Variants in DNAJC17 observed in about 807,000 individuals in gnomAD.
DNAJC17 encodes DnaJ heat shock protein family (Hsp40) member C17.
A neutral mutation model predicts 48.1 loss-of-function variants in DNAJC17; 35 were observed. That is an observed-to-expected ratio of 0.73 (90% CI 0.56 to 0.96). The LOEUF is 0.96. Ranked by LOEUF, DNAJC17 falls within the 50% of genes least tolerant of loss-of-function variation. The pLI, the probability that DNAJC17 is intolerant of heterozygous loss-of-function variation, is 0.00. For missense variants in DNAJC17, 355 were observed against 377.1 expected (o/e 0.94, Z 0.48); for synonymous variants, 117 against 142.7 (o/e 0.82, Z 1.28).
At chr15:40,782,069 T>G (rs1889512258) in intron 1 of DNAJC17, among the ~76,000 whole-genome samples, 1 of 151,958 alleles carries the variant, frequency 6.6e-6, no homozygotes, top group Non-Finnish European at 1.5e-5. Flanking sequence ...ACAAAAATTT[T>G]TTAAACATGA....
chr15:40,767,786 TC>T lies in DNAJC17; in HGVS notation c.*153del. ...GCGTTTCCCTGGGGGTCTGCCCACT[TC>T]CTGGGAGGGGCGCCAGGCCTGGGTG... On this transcript the variant is annotated 3_prime_UTR_variant, in exon 11 of 11. Transcript: ENST00000220496. 8.6e-7 allele frequency: 1 copy of T among 1,162,884 alleles called. No individual in the cohort carries two copies. Among genetic ancestry groups the T allele is most frequent in the Non-Finnish European group, 1.2e-6 (1 of 852,140 alleles). 72.0% of individuals were successfully genotyped at this position (1,162,884 alleles called of 1,614,324 possible). A position where few individuals can be genotyped will look rare whatever the true frequency, so the allele number is the denominator to read the frequency against.
Position 40,773,781 on chromosome 15 carries a change from C to A in DNAJC17, c.738G>T (p.Trp246Cys). Reference protein sequence around the residue: ...GLVDNPLKISWLEGQPQDAVG... With the variant: ...GLVDNPLKISCLEGQPQDAVG... ...CGGCATCCTGGGGCTGTCCCTCCAA[C>A]CAGGAAATCTTCAGAGGGTTATCCA... is the stretch of plus-strand genomic sequence containing the variant. Residue 246 changes from tryptophan (W) to cysteine (C), a missense_variant, in exon 10 of 11, where the codon TGG becomes TGT. Transcript: ENST00000220496. 1 of 1,614,072 alleles carries A rather than the reference C, an allele frequency of 6.2e-7. No homozygotes were observed. The highest frequency in any genetic ancestry group is 8.5e-7 in the Non-Finnish European group (1 of 1,180,000).
At chr15:40,780,282 C>A (rs1889447619) in intron 1 of DNAJC17, 1 of 587,232 alleles carries the variant, frequency 1.7e-6, no homozygotes, top group East Asian at 3.8e-5. Flanking sequence ...CAGTACCCCG[C>A]TTTCTCGACA....
At position 40,767,952 on chromosome 15, in the gene DNAJC17, C is replaced by G. The variant is rs765682026; in HGVS notation, c.903G>C (p.Gly301=). 2.5e-6 allele frequency: 4 copies of G among 1,612,736 alleles called. No individual in the cohort carries two copies. The African/African-American group carries it at 5.3e-5, about 22-fold the overall frequency. ...IARMQQEDQE[G]PPT is the part of the protein sequence containing the mutation. ...GCTGGAGCTGGGGCTACGTAGGCGG[C>G]CCCTCCTGGTCTTCCTGCTGCATCC... Residue 301 remains glycine (G), a synonymous_variant, in exon 11 of 11, where the codon GGG becomes GGC. Transcript: ENST00000220496.
rs1889292197 is a variant in DNAJC17 at position 40,775,429 on chromosome 15, T to C, written c.522+124A>G. 18 of 1,100,312 alleles carry C rather than the reference T, an allele frequency of 1.6e-5. No individual in the cohort carries two copies. The South Asian group carries it at 2.1e-4, about 13-fold the overall frequency. The allele number at this position is 1,100,312 out of a possible 1,614,324, so 68.2% of individuals were successfully genotyped here. A position where few individuals can be genotyped will look rare whatever the true frequency, so the allele number is the denominator to read the frequency against. The stretch of plus-strand genomic sequence containing the variant: ...GCTGGAGCATGGAGGGAGGTGGTAA[T>C]GGTGCGGGCTCCACGCAGATCCAGC... On this transcript the variant is annotated intron_variant, in intron 7 of 10. Transcript: ENST00000220496.
intron 1 of DNAJC17, 60 bp from the exon 2 acceptor site, chr15:40,780,057 A>C: frequency 6.5e-7 from 1 of 1,542,810 alleles, no homozygotes; most frequent in Admixed American, 1.8e-5. Context: ...AAACAGGAAA[A>C]CCTTGCTCAA....
chr15:40,771,255 TG>T (rs1000210800), intron 10 of DNAJC17: 198 of 563,410 alleles, frequency 3.5e-4, no homozygotes, highest in East Asian at 1.5e-3. Flanking sequence ...CTGGAAATGT[TG>T]GGGGGGCGGC....
rs146303682 is a variant in DNAJC17 at position 40,770,566 on chromosome 15, G to A, written c.793-2504C>T. 59 of 1,550,624 alleles carry A rather than the reference G, an allele frequency of 3.8e-5. No individual in the cohort carries two copies. The highest frequency in any genetic ancestry group is 1.7e-4 in the Middle Eastern group (1 of 5,992). ...AAGCAGCTGAGCCTGGGGCGGCCAC[G>A]GCGGCTCCGGCGACAGAGTAGTGTG... On this transcript the variant is annotated intron_variant, in intron 10 of 10. Coordinates refer to ENST00000220496, the MANE Select transcript of DNAJC17 (RefSeq NM_018163.3). The surrounding 1 kb of genome is among the most constrained non-coding windows in gnomAD (Gnocchi z 5.0).
At chr15:40,806,682 G>A (rs1165499122) in intron 1 of DNAJC17, among the ~76,000 whole-genome samples, 1 of 152,064 alleles carries the variant, frequency 6.6e-6, no homozygotes, top group Non-Finnish European at 1.5e-5. Flanking sequence ...ATGATCCAGG[G>A]GGAGATAAAA....
intron 8 of DNAJC17, among the ~76,000 whole-genome samples, chr15:40,774,678 A>G (rs1216444954): frequency 6.6e-6 from 1 of 152,256 alleles, no homozygotes; most frequent in Non-Finnish European, 1.5e-5. Flanking sequence ...AGACTGACAC[A>G]TTTCATTGCA....
In DNAJC17 at chr15:40,776,564, C is replaced by T. The variant is rs139728903; in HGVS notation, c.359G>A (p.Ser120Asn). 6 of 1,613,986 alleles carry T rather than the reference C, an allele frequency of 3.7e-6. No individual in the cohort carries two copies. Among genetic ancestry groups the T allele is most frequent in the Non-Finnish European group, 5.1e-6 (6 of 1,180,026 alleles). ...QESEEEEESR[S>N]TRTLEQEIER... The stretch of plus-strand genomic sequence containing the variant: ...CACCTCTTGCTCTAGTGTCCTGGTG[C>T]TCCGGCTCTCCTCTTCCTCCTCACT... The change falls in exon 5 of 11, where the codon AGC (serine) becomes AAC (asparagine). Residue 120 changes from serine (S) to asparagine (N), a missense_variant. Physicochemically the swap from Ser to Asn is conservative, Grantham distance 46. Transcript: ENST00000220496.
At chr15:40,771,128 C>A (rs766269846) in intron 10 of DNAJC17, 344 of 1,052,030 alleles carry the variant, frequency 3.3e-4, no homozygotes, top group Non-Finnish European at 4.3e-4. Context: ...AGGGTTCAGG[C>A]AGGCAGAGCT....
At chr15:40,775,226 A>G (rs1889285948) in intron 7 of DNAJC17, 118 bp from the exon 8 acceptor site, 2 of 1,129,218 alleles carry the variant, frequency 1.8e-6, no homozygotes, top group African/African-American at 1.5e-5. Flanking sequence ...GGCTCCTGCA[A>G]TCTGGGGAGT....
intron 1 of DNAJC17, among the ~76,000 whole-genome samples, chr15:40,794,590 T>C (rs958669406): frequency 6.6e-6 from 1 of 152,186 alleles, no homozygotes; most frequent in African/African-American, 2.4e-5. Context: ...GAGGATCACC[T>C]GAGCCCAGGA....
intron 7 of DNAJC17, 178 bp downstream of exon 7, chr15:40,775,375 C>G: frequency 1.2e-6 from 1 of 801,268 alleles, no homozygotes; most frequent in South Asian, 1.6e-5. Context: ...TAAAAGCAGC[C>G]TTTCGTGGCA....
chr15:40,773,862 G>A (rs774980622), intron 9 of DNAJC17, 25 bp from the exon 10 acceptor site: 1 of 1,598,650 alleles, frequency 6.3e-7, no homozygotes, highest in Non-Finnish European at 8.6e-7. Context: ...ATCTAGTCCT[G>A]TCCCATCCGT....
In DNAJC17 at chr15:40,777,783, A is replaced by G. The variant is rs888496801; in HGVS notation, c.296-1156T>C. On this transcript the variant is annotated intron_variant, in intron 4 of 10. Coordinates refer to ENST00000220496, the MANE Select transcript of DNAJC17 (RefSeq NM_018163.3). ...ACCAGTGACTTTTTTTTAAGTGAGA[A>G]AAAAAAAATGCTTGCAGCAATCTTA... Among the ~76,000 whole-genome samples the G allele has an allele frequency of 3.3e-5, 5 of 151,644 alleles. No individual in the cohort carries two copies. In the South Asian group the frequency reaches 1.0e-3, roughly 32 times the overall value.
chr15:40,767,241 C>T lies in DNAJC17; in HGVS notation c.*699G>A, dbSNP rs367958027. On this transcript the variant is annotated 3_prime_UTR_variant, in exon 11 of 11. Transcript: ENST00000220496. Reference sequence around the variant, plus strand: ...CTCTTTGCAGTTATGAATACTACGTCGATGACCCTCCCCGCATAGTCCTGG... The same window carrying T: ...CTCTTTGCAGTTATGAATACTACGTTGATGACCCTCCCCGCATAGTCCTGG... The T allele has an allele frequency of 3.2e-6, 5 of 1,574,494 alleles. No homozygotes were observed. The highest frequency in any genetic ancestry group is 3.4e-6 in the Non-Finnish European group (4 of 1,160,232).
chr15:40,775,110 T>C lies in DNAJC17; in HGVS notation c.523-2A>G, dbSNP rs767068098. The stretch of plus-strand genomic sequence containing the variant: ...CTCCTTCTTGCACTTCCATTTTAGC[T>C]GAAAAGAGAGCCTCATGAAACACTG... On this transcript the variant is annotated splice_acceptor_variant, in intron 7 of 10. Coordinates refer to ENST00000220496, the MANE Select transcript of DNAJC17 (RefSeq NM_018163.3). LOFTEE classifies it high-confidence loss of function. The C allele has an allele frequency of 1.9e-6, 3 of 1,614,092 alleles. No homozygotes were observed. The highest frequency in any genetic ancestry group is 2.5e-6 in the Non-Finnish European group (3 of 1,179,992).
Sources: gnomAD v4.1 joint callset for allele counts (sites outside exome capture counted in the v4.1 genomes callset) on GRCh38, gnomAD v4.1.1 for gene constraint, Gnocchi (gnomAD v3.1) non-coding constraint, MANE v1.5 for transcripts, NCBI Gene and HGNC (gene_info 2026-07-23, HGNC 2026-07-21) for gene names.